RNF212B: variants seen among roughly 807,000 people sequenced by gnomAD.
RNF212B encodes E3 ubiquitin-protein ligase RNF212B.
Under a neutral mutation model 55.5 loss-of-function variants are expected in RNF212B, and 52 were observed. That is an observed-to-expected ratio of 0.94 (90% CI 0.75 to 1.18). The LOEUF is 1.18. RNF212B is among the 50% of genes most tolerant of loss of function. The pLI is 0.00. For synonymous variants in RNF212B, 99 were observed against 121.4 expected (o/e 0.82, Z 1.21); for missense variants, 289 against 350.4 (o/e 0.82, Z 1.40).
chr14:23,247,963 A>AT (rs1265301703), intron 4 of RNF212B, among the ~76,000 whole-genome samples: 1 of 152,210 alleles, frequency 6.6e-6, no homozygotes, highest in Non-Finnish European at 1.5e-5. Context: ...CAGAAATTTA[A>AT]TTTTAACAGT....
At chr14:23,201,241 G>C (rs1879260824) in intron 2 of RNF212B, among the ~76,000 whole-genome samples, 1 of 152,096 alleles carries the variant, frequency 6.6e-6, no homozygotes, top group Non-Finnish European at 1.5e-5. Flanking sequence ...CTGCACTCAA[G>C]AGCACCTGTT....
intron 4 of RNF212B, among the ~76,000 whole-genome samples, chr14:23,247,436 C>A (rs1185817442): frequency 6.7e-6 from 1 of 148,952 alleles, no homozygotes; most frequent in African/African-American, 2.5e-5. Context: ...CATCCCCAGG[C>A]GATCACTAAT....
intron 2 of RNF212B, among the ~76,000 whole-genome samples, chr14:23,220,903 C>T (rs1881510481): frequency 6.8e-6 from 1 of 147,074 alleles, no homozygotes. Flanking sequence ...AGAAAATCAC[C>T]TTCACTAAAA....
chr14:23,270,348 C>T (rs1323903051), intron 13 of RNF212B, among the ~76,000 whole-genome samples: 1 of 152,212 alleles, frequency 6.6e-6, no homozygotes. Flanking sequence ...AAGAGGCTGC[C>T]ATCTTCCATA....
intron 2 of RNF212B, among the ~76,000 whole-genome samples, chr14:23,224,661 C>T (rs1032530174): frequency 4.5e-4 from 69 of 152,252 alleles, no homozygotes; most frequent in African/African-American, 1.6e-3. Flanking sequence ...TTCAAGAAAA[C>T]ATTGGGGAAA....
chr14:23,186,502 A>G (rs1877613481), intron 1 of RNF212B, among the ~76,000 whole-genome samples: 1 of 152,152 alleles, frequency 6.6e-6, no homozygotes, highest in African/African-American at 2.4e-5. Flanking sequence ...GGCACCTGCC[A>G]CCATGCCTGG....
rs140487493 is a variant in RNF212B, at chr14:23,248,661, C to T, written c.228+4265C>T. On this transcript the variant is annotated intron_variant, in intron 4 of 14. Coordinates refer to ENST00000430154, the MANE Select transcript of RNF212B (RefSeq NM_001282322.3). ...TTCACCGTGTTGGTCAGGCTAGTCTCGAATTCCTGACCTCGTGATCCGCCC... is the reference window on the plus strand; with the variant it reads ...TTCACCGTGTTGGTCAGGCTAGTCTTGAATTCCTGACCTCGTGATCCGCCC... Among the ~76,000 whole-genome samples the T allele has an allele frequency of 1.1e-4, 17 of 150,622 alleles. No individual in the cohort carries two copies. In the East Asian group the frequency reaches 3.2e-3, roughly 28 times the overall value.
intron 1 of RNF212B, among the ~76,000 whole-genome samples, chr14:23,240,034 C>CAAA (rs5807213): frequency 0.025 from 3,454 of 138,296 alleles, 76 homozygotes; most frequent in Non-Finnish European, 0.04. Context: ...CCTCACCACT[C>CAAA]AAAAAAAAAA....
intron 2 of RNF212B, among the ~76,000 whole-genome samples, chr14:23,194,102 A>G (rs1286135845): frequency 6.6e-6 from 1 of 152,226 alleles, no homozygotes; most frequent in African/African-American, 2.4e-5. Flanking sequence ...TCGGCCTCCC[A>G]AAGTGCTGGG....
intron 2 of RNF212B, chr14:23,193,466 C>G (rs990052929): frequency 2.6e-5 from 4 of 152,082 alleles, no homozygotes; most frequent in African/African-American, 9.7e-5. Flanking sequence ...GACCAGACAG[C>G]CACCCCTCCA....
At chr14:23,198,692 G>A (rs7155747) in intron 2 of RNF212B, among the ~76,000 whole-genome samples, 3,184 of 150,972 alleles carry the variant, frequency 0.021, 131 homozygotes, top group African/African-American at 0.074. Flanking sequence ...AAAGGTCCAC[G>A]TACTGTATGT....
upstream of RNF212B, among the ~76,000 whole-genome samples, chr14:23,235,979 C>A (rs1883063193): frequency 6.6e-6 from 1 of 152,182 alleles, no homozygotes; most frequent in Non-Finnish European, 1.5e-5. Context: ...GAAATGTTCA[C>A]AATTATCTGA....
chr14:23,198,406 G>A (rs1192287993), intron 2 of RNF212B, among the ~76,000 whole-genome samples: 1 of 152,058 alleles, frequency 6.6e-6, no homozygotes, highest in Non-Finnish European at 1.5e-5. Flanking sequence ...GGAGCCAAGC[G>A]TGGTGGCTCA....
intron 2 of RNF212B, among the ~76,000 whole-genome samples, chr14:23,216,018 G>A (rs1047093854): frequency 6.6e-6 from 1 of 152,184 alleles, no homozygotes; most frequent in African/African-American, 2.4e-5. Flanking sequence ...GGCCAAGGCG[G>A]GCGGATCACG....
chr14:23,190,038 T>A (rs1179059396), intron 1 of RNF212B, among the ~76,000 whole-genome samples: 1 of 152,096 alleles, frequency 6.6e-6, no homozygotes, highest in Admixed American at 6.6e-5. Flanking sequence ...TCTCAGTCTT[T>A]ATCTTATTGA....
At position 23,243,284 on chromosome 14, in the gene RNF212B, C is replaced by A. The variant is rs1883733646; in HGVS notation, c.129C>A (p.Cys43Ter). ...AATGTGCTGTTTGTGGAACTGCCTG[C>A]AAGCATCTGGCTCTTTCTGATAATG... is the stretch of plus-strand genomic sequence containing the variant. ...LEKCAVCGTA[C>*]KHLALSDNLK... is the part of the protein sequence containing the mutation. Residue 43 changes from cysteine to a stop codon, truncating the protein, a stop_gained, in exon 3 of 15, where the codon TGC becomes TGA. Coordinates refer to ENST00000430154, the MANE Select transcript of RNF212B (RefSeq NM_001282322.3). LOFTEE classifies it high-confidence loss of function. 1.3e-6 allele frequency: 2 copies of A among 1,550,304 alleles called. No homozygotes were observed. Among genetic ancestry groups the A allele is most frequent in the African/African-American group, 1.4e-5 (1 of 72,808 alleles).
chr14:23,189,310 C>T (rs1877890386), intron 1 of RNF212B, among the ~76,000 whole-genome samples: 1 of 152,162 alleles, frequency 6.6e-6, no homozygotes, highest in Admixed American at 6.5e-5. Flanking sequence ...ACATCCTCTG[C>T]CTTCCCTCCC....
upstream of RNF212B, among the ~76,000 whole-genome samples, chr14:23,237,500 C>T (rs1289671750): frequency 1.3e-5 from 2 of 152,164 alleles, no homozygotes; most frequent in African/African-American, 4.8e-5. Flanking sequence ...TCACACTGTT[C>T]TTTGTCCGCA....
chr14:23,233,106 C>T (rs142676281), upstream of RNF212B, among the ~76,000 whole-genome samples: 1,466 of 152,308 alleles, frequency 9.6e-3, 15 homozygotes, highest in Non-Finnish European at 0.016. Flanking sequence ...TATGACCTTA[C>T]CCCCAACTCT....
Sources: allele counts gnomAD v4.1 joint callset (sites outside exome capture counted in the v4.1 genomes callset), GRCh38; gene constraint gnomAD v4.1.1; transcripts MANE v1.5; gene names NCBI Gene and HGNC (gene_info 2026-07-23, HGNC 2026-07-21).